The following GLP2R variants were observed in gnomAD, a reference collection of about 807,000 sequenced individuals.
GLP2R encodes the protein glucagon like peptide 2 receptor.
Under a neutral mutation model 68.2 loss-of-function variants are expected in GLP2R, and 59 were observed. That is an observed-to-expected ratio of 0.87 (90% CI 0.70 to 1.07). GLP2R has a LOEUF of 1.07. Ranked by LOEUF, GLP2R falls within the 50% of genes least tolerant of loss-of-function variation. The pLI is 0.00. For synonymous variants in GLP2R, 270 were observed against 265.4 expected (o/e 1.02, Z -0.17); for missense variants, 548 against 677.4 (o/e 0.81, Z 2.12).
intron 9 of GLP2R, among the ~76,000 whole-genome samples, chr17:9,870,225 G>C (rs2067079785): frequency 6.6e-6 from 1 of 152,134 alleles, no homozygotes; most frequent in African/African-American, 2.4e-5. Flanking sequence ...CTCTGTGCCT[G>C]TTTTCTCATT....
At chr17:9,848,982 T>C (rs2152036202) in intron 4 of GLP2R, among the ~76,000 whole-genome samples, 1 of 151,670 alleles carries the variant, frequency 6.6e-6, no homozygotes, top group East Asian at 1.9e-4. Flanking sequence ...TATGCCTTAC[T>C]TTGTCCTTTA....
At chr17:9,873,260 CA>C (rs1298093158) in intron 10 of GLP2R, among the ~76,000 whole-genome samples, 2 of 152,180 alleles carry the variant, frequency 1.3e-5, no homozygotes, top group Non-Finnish European at 2.9e-5. Flanking sequence ...CAGTTGACCC[CA>C]AAGGGACTCA....
intron 11 of GLP2R, among the ~76,000 whole-genome samples, chr17:9,886,127 T>C (rs1597407357): frequency 6.6e-6 from 1 of 152,286 alleles, no homozygotes; most frequent in East Asian, 1.9e-4. Context: ...TGGTGGATCA[T>C]TTTAGAGACT....
intron 4 of GLP2R, among the ~76,000 whole-genome samples, chr17:9,845,447 G>GT (rs2066828470): frequency 6.6e-6 from 1 of 152,182 alleles, no homozygotes; most frequent in African/African-American, 2.4e-5. Context: ...TGCAGGCATC[G>GT]TAAGATGGGG....
intron 10 of GLP2R, among the ~76,000 whole-genome samples, chr17:9,875,686 T>C (rs973462959): frequency 3.9e-5 from 6 of 152,166 alleles, no homozygotes; most frequent in East Asian, 1.9e-4. Flanking sequence ...ACTTTGGGGC[T>C]ATAAACAGGG....
In GLP2R at chr17:9,857,511, G is replaced by C. The variant is rs61730822; in HGVS notation, c.700G>C (p.Val234Leu). 5.8e-5 allele frequency: 94 copies of C among 1,613,934 alleles called. No homozygotes were observed. Among genetic ancestry groups the C allele is most frequent in the Non-Finnish European group, 1.7e-6 (2 of 1,179,964 alleles). The change falls in exon 6 of 13, where the codon GTC (valine) becomes CTC (leucine). Residue 234 changes from valine to leucine, a missense_variant. By Grantham distance (32) the Val-to-Leu change is conservative. Coordinates refer to ENST00000262441, the MANE Select transcript of GLP2R (RefSeq NM_004246.3). ...RTLAVLVKDVVFYNSYSKRPD... is the reference protein window; with the variant it reads ...RTLAVLVKDVLFYNSYSKRPD... ...CCTGGCTGTACTGGTGAAGGACGTC[G>C]TCTTCTACAACTCTTACTCCAAGAG...
In GLP2R at chr17:9,889,458, G is replaced by T. The variant is rs775168959; in HGVS notation, c.1415G>T (p.Arg472Leu). The T allele has an allele frequency of 6.2e-7, 1 of 1,614,080 alleles. No individual in the cohort carries two copies. Among genetic ancestry groups the T allele is most frequent in the Non-Finnish European group, 8.5e-7 (1 of 1,179,904 alleles). The change falls in exon 13 of 13, where the codon CGG (arginine) becomes CTG (leucine). Residue 472 changes from arginine to leucine, a missense_variant. Physicochemically the swap from Arg to Leu is moderately radical, Grantham distance 102. Coordinates refer to ENST00000262441, the MANE Select transcript of GLP2R (RefSeq NM_004246.3). ...GCCTGTGTCCTGGGGAAGGACTTCC[G>T]GTTCCTAGGAAAATGTCCCAAGAAG... Reference protein sequence around the residue: ...CRACVLGKDFRFLGKCPKKLS... With the variant: ...CRACVLGKDFLFLGKCPKKLS...
chr17:9,856,950 T>G (rs979515822), intron 5 of GLP2R, among the ~76,000 whole-genome samples: 1 of 151,878 alleles, frequency 6.6e-6, no homozygotes, highest in Non-Finnish European at 1.5e-5. Flanking sequence ...TGAGGTGAAG[T>G]CTCGCTCTGT....
chr17:9,864,508 TTG>T (rs1329760989), intron 9 of GLP2R, among the ~76,000 whole-genome samples: 1 of 151,578 alleles, frequency 6.6e-6, no homozygotes, highest in African/African-American at 2.4e-5. Flanking sequence ...GTTTGTTTGT[TTG>T]TTTGTTTTGT....
chr17:9,826,139 A>G lies in GLP2R; in HGVS notation c.76A>G (p.Met26Val), dbSNP rs1247930380. 9 of 1,612,714 alleles carry G rather than the reference A, an allele frequency of 5.6e-6. No individual in the cohort carries two copies. In the East Asian group the frequency reaches 1.3e-4, roughly 24 times the overall value. The change falls in exon 1 of 13, where the codon ATG becomes GTG. Residue 26 changes from methionine to valine, a missense_variant. By Grantham distance (21) the Met-to-Val change is conservative. Transcript: ENST00000262441. ...GLLPGVHELP[M>V]GIPAPWGTSP... ...CCTGCCTGGCGTCCACGAGCTGCCC[A>G]TGGGCATCCCTGCCCCCTGGGGGAC... is the stretch of plus-strand genomic sequence containing the variant.
intron 10 of GLP2R, among the ~76,000 whole-genome samples, chr17:9,871,725 T>C (rs1291471091): frequency 1.4e-4 from 12 of 84,812 alleles, no homozygotes; most frequent in Admixed American, 4.2e-4. Flanking sequence ...TTCTTTCTTT[T>C]TTTTTTTTTT....
intron 3 of GLP2R, 127 bp from the exon 4 acceptor site, chr17:9,842,368 T>C (rs2066795180): frequency 2.7e-6 from 3 of 1,097,678 alleles, no homozygotes; most frequent in Non-Finnish European, 3.9e-6. Context: ...ACAGTGAGGA[T>C]GTTAATGAGC....
intron 4 of GLP2R, among the ~76,000 whole-genome samples, chr17:9,844,536 G>A (rs1026779168): frequency 6.6e-6 from 1 of 151,932 alleles, no homozygotes; most frequent in African/African-American, 2.4e-5. Flanking sequence ...GGCTGTGAGA[G>A]GGTAGAGCCA....
At chr17:9,856,511 G>A (rs1324468980) in intron 5 of GLP2R, among the ~76,000 whole-genome samples, 1 of 152,202 alleles carries the variant, frequency 6.6e-6, no homozygotes, top group Non-Finnish European at 1.5e-5. Flanking sequence ...CAGCAAGGAT[G>A]CACAATGTCA....
chr17:9,887,795 G>A (rs1567741568), intron 11 of GLP2R, 137 bp from the exon 12 acceptor site: 2 of 743,968 alleles, frequency 2.7e-6, no homozygotes, highest in African/African-American at 1.7e-5. Flanking sequence ...ACTAATTCTA[G>A]TTAGTGTAAG....
Position 9,842,611 on chromosome 17 carries a change from C to T in GLP2R, c.499C>T (p.Gln167Ter). 6.2e-7 allele frequency: 1 copy of T among 1,613,700 alleles called. No homozygotes were observed. Among genetic ancestry groups the T allele is most frequent in the South Asian group, 1.1e-5 (1 of 91,070 alleles). The change falls in exon 4 of 13, where the codon CAA (glutamine) becomes TAA (stop). Residue 167 changes from glutamine (Q) to a stop codon, truncating the protein, a stop_gained. Coordinates refer to ENST00000262441, the MANE Select transcript of GLP2R (RefSeq NM_004246.3). LOFTEE classifies it high-confidence loss of function. The stretch of plus-strand genomic sequence containing the variant: ...ATGCTCCGAGAACCACAGCTTCAAG[C>T]AAAACGTGAGTTTGCTCAGCTCAGT... ...SECSENHSFK[Q>*]NVDRYALLST...
intron 10 of GLP2R, among the ~76,000 whole-genome samples, chr17:9,872,428 T>C (rs2067103555): frequency 6.6e-6 from 1 of 152,032 alleles, no homozygotes; most frequent in Admixed American, 6.5e-5. Flanking sequence ...AATACAAAAA[T>C]TAGCTGGGTG....
intron 11 of GLP2R, among the ~76,000 whole-genome samples, chr17:9,881,718 G>T: frequency 6.6e-6 from 1 of 152,168 alleles, no homozygotes; most frequent in East Asian, 1.9e-4. Flanking sequence ...CTGGCACAGT[G>T]ATGCTTCTGC....
rs1466546445 is a variant in GLP2R, at chr17:9,836,550, C to G, written c.382+75C>G. 9.9e-6 allele frequency: 8 copies of G among 808,900 alleles called. No homozygotes were observed. The African/African-American group carries it at 1.2e-4, about 12-fold the overall frequency. 50.1% of individuals were successfully genotyped at this position (808,900 alleles called of 1,614,324 possible). ...AGTCCTCTTCCCCCACAAACAGTCC[C>G]CGTCTAAGCTCTCAGTAATACATCT... On this transcript the variant is annotated intron_variant, in intron 3 of 12. Transcript: ENST00000262441.
Sources: allele counts gnomAD v4.1 joint callset (sites outside exome capture counted in the v4.1 genomes callset), GRCh38; gene constraint gnomAD v4.1.1; transcripts MANE v1.5; gene names NCBI Gene and HGNC (gene_info 2026-07-23, HGNC 2026-07-21).